The following XYLT1 variants were observed in gnomAD, a reference collection of about 807,000 sequenced individuals.
The protein encoded by XYLT1 is beta-D-xylosyltransferase 1.
XYLT1 carries 36 observed loss-of-function variants against 91.3 expected under a neutral mutation model. That is an observed-to-expected ratio of 0.39 (90% confidence interval 0.30 to 0.52). The LOEUF (loss-of-function observed/expected upper bound fraction) is 0.52. Ranked by LOEUF, XYLT1 falls within the 20% of genes least tolerant of loss-of-function variation. XYLT1 has a pLI of 0.68. For missense variants in XYLT1, 1,242 were observed against 1,284.5 expected (o/e 0.97, Z 0.51); for synonymous variants, 588 against 532.0 (o/e 1.11, Z -1.45).
At chr16:17,123,206 G>A (rs537101495) in intron 10 of XYLT1, among the ~76,000 whole-genome samples, 51 of 152,306 alleles carry the variant, frequency 3.3e-4, no homozygotes, top group Non-Finnish European at 6.6e-4. Flanking sequence ...ACCCATCCAT[G>A]AGCATGACAT....
At chr16:17,236,926 T>G (rs2033258650) in intron 3 of XYLT1, among the ~76,000 whole-genome samples, 1 of 152,208 alleles carries the variant, frequency 6.6e-6, no homozygotes, top group Admixed American at 6.5e-5. Flanking sequence ...CATTCACAAG[T>G]CCTGGGGCTT....
At chr16:17,147,713 C>G (rs577812195) in intron 6 of XYLT1, among the ~76,000 whole-genome samples, 25 of 152,310 alleles carry the variant, frequency 1.6e-4, no homozygotes, top group African/African-American at 5.8e-4. Flanking sequence ...GGCCCAGCAA[C>G]AGGGTATCTA....
At chr16:17,207,950 C>G (rs1308464155) in intron 3 of XYLT1, among the ~76,000 whole-genome samples, 3 of 152,148 alleles carry the variant, frequency 2.0e-5, no homozygotes, top group African/African-American at 4.8e-5. Flanking sequence ...ACTCTCTTCC[C>G]CATCCCTTCA....
At chr16:17,196,309 C>T (rs1304194652) in intron 5 of XYLT1, among the ~76,000 whole-genome samples, 2 of 152,146 alleles carry the variant, frequency 1.3e-5, no homozygotes, top group African/African-American at 4.8e-5. Flanking sequence ...GAATATGTGA[C>T]CTAGATATTT....
intron 5 of XYLT1, among the ~76,000 whole-genome samples, chr16:17,177,556 CA>C (rs1567309450): frequency 6.6e-6 from 1 of 152,192 alleles, no homozygotes; most frequent in Non-Finnish European, 1.5e-5. Flanking sequence ...AGGTTTCCAA[CA>C]AGCATCTGTT....
intron 1 of XYLT1, among the ~76,000 whole-genome samples, chr16:17,425,130 G>A (rs1461752622): frequency 1.3e-5 from 2 of 152,180 alleles, no homozygotes; most frequent in South Asian, 4.1e-4. Context: ...AAGGAGGAAT[G>A]GTCTTTAGCT....
At chr16:17,306,191 C>T (rs1227425286) in intron 2 of XYLT1, among the ~76,000 whole-genome samples, 1 of 152,044 alleles carries the variant, frequency 6.6e-6, no homozygotes, top group East Asian at 1.9e-4. Context: ...TCTGTGTGTA[C>T]TCAGATTGGG....
At chr16:17,433,203 C>T (rs1010830462) in intron 1 of XYLT1, among the ~76,000 whole-genome samples, 3 of 152,156 alleles carry the variant, frequency 2.0e-5, no homozygotes, top group African/African-American at 7.2e-5. Flanking sequence ...CTCCCATGCC[C>T]ACCCAACAAG....
intron 2 of XYLT1, among the ~76,000 whole-genome samples, chr16:17,287,381 C>G (rs1385026843): frequency 2.0e-5 from 3 of 152,190 alleles, no homozygotes; most frequent in Non-Finnish European, 4.4e-5. Context: ...CTCCCACCTC[C>G]TGGGGCTGTG....
At chr16:17,180,180 C>A (rs897305140) in intron 5 of XYLT1, among the ~76,000 whole-genome samples, 4 of 152,236 alleles carry the variant, frequency 2.6e-5, no homozygotes, top group Non-Finnish European at 5.9e-5. Context: ...CATGACAAAG[C>A]AGTGCCCCCT....
At chr16:17,280,475 C>G (rs2034041140) in intron 2 of XYLT1, among the ~76,000 whole-genome samples, 1 of 152,132 alleles carries the variant, frequency 6.6e-6, no homozygotes, top group Non-Finnish European at 1.5e-5. Flanking sequence ...ATAAAAAATT[C>G]CAATACAATC....
At chr16:17,468,383 T>A (rs2141967308) in intron 1 of XYLT1, among the ~76,000 whole-genome samples, 1 of 151,230 alleles carries the variant, frequency 6.6e-6, no homozygotes, top group South Asian at 2.1e-4. Context: ...AAAAAATACA[T>A]AAATGTCCAT....
rs2035750369 is a variant in XYLT1, at chr16:17,386,617, G to A, written c.364-28567C>T. 2.1e-5 allele frequency among the ~76,000 whole-genome samples: 3 copies of A among 141,258 alleles called. 1 individual carries two copies. Among genetic ancestry groups the A allele is most frequent in the Non-Finnish European group, 3.3e-5 (2 of 60,532 alleles). 92.7% of individuals were successfully genotyped at this position (141,258 alleles called of 152,430 possible). ...ACAGGAGAAATGATTCCATTTCAAG[G>A]AAGCTGATTCCTACTCAGTATTTCC... On this transcript the variant is annotated intron_variant, in intron 1 of 11. Coordinates refer to ENST00000261381, the MANE Select transcript of XYLT1 (RefSeq NM_022166.4).
chr16:17,353,015 C>G (rs1345597396), intron 2 of XYLT1, among the ~76,000 whole-genome samples: 1 of 152,208 alleles, frequency 6.6e-6, no homozygotes, highest in African/African-American at 2.4e-5. Flanking sequence ...GAGCCCTGTT[C>G]ACAATCATCA....
At chr16:17,273,508 G>T (rs1285675470) in intron 2 of XYLT1, among the ~76,000 whole-genome samples, 1 of 152,188 alleles carries the variant, frequency 6.6e-6, no homozygotes, top group African/African-American at 2.4e-5. Context: ...ATCAGGGTCT[G>T]CACATTAACA....
At chr16:17,178,396 A>G (rs1297558389) in intron 5 of XYLT1, among the ~76,000 whole-genome samples, 2 of 152,086 alleles carry the variant, frequency 1.3e-5, no homozygotes, top group Non-Finnish European at 2.9e-5. Context: ...CTCATTCTCT[A>G]TCCAGGGTCC....
At chr16:17,117,528 C>T in intron 11 of XYLT1, 118 bp downstream of exon 11, 5 of 1,066,560 alleles carry the variant, frequency 4.7e-6, no homozygotes, top group Non-Finnish European at 4.0e-6. Context: ...GCAAGGAGTG[C>T]TGTTCTGTGA....
chr16:17,450,364 A>AACAAAC (rs956678165), intron 1 of XYLT1, among the ~76,000 whole-genome samples: 12 of 137,260 alleles, frequency 8.7e-5, no homozygotes, highest in Non-Finnish European at 1.3e-4. Context: ...CAAACAAACA[A>AACAAAC]AAAAAAAAAG....
intron 1 of XYLT1, among the ~76,000 whole-genome samples, chr16:17,386,530 T>C (rs7193400): frequency 6.6e-6 from 1 of 152,092 alleles, no homozygotes; most frequent in East Asian, 1.9e-4. Flanking sequence ...ACAAAAGCTT[T>C]ACTACACCCA....
Sources: gnomAD v4.1 joint callset for allele counts (sites outside exome capture counted in the v4.1 genomes callset) on GRCh38, gnomAD v4.1.1 for gene constraint, MANE v1.5 for transcripts, NCBI Gene and HGNC (gene_info 2026-07-23, HGNC 2026-07-21) for gene names.